PPIL2: variants seen among roughly 807,000 people sequenced by gnomAD.
PPIL2 encodes the protein peptidylprolyl isomerase like 2, also known as RING-type E3 ubiquitin-protein ligase PPIL2.
A neutral mutation model predicts 75.2 loss-of-function variants in PPIL2; 50 were observed. The observed-to-expected ratio is 0.66, with a 90% CI of 0.53 to 0.84. The LOEUF (loss-of-function observed/expected upper bound fraction) is 0.84. Ranked by LOEUF, PPIL2 falls within the 40% of genes least tolerant of loss-of-function variation. PPIL2 has a pLI of 0.00. For synonymous variants in PPIL2, 245 were observed against 258.8 expected (o/e 0.95, Z 0.51); for missense variants, 590 against 685.0 (o/e 0.86, Z 1.55).
chr22:21,674,544 T>G (rs970226925), intron 5 of PPIL2, among the ~76,000 whole-genome samples: 1 of 152,066 alleles, frequency 6.6e-6, no homozygotes, highest in African/African-American at 2.4e-5. Flanking sequence ...GATCATGAGG[T>G]CAGGAGATTA....
intron 15 of PPIL2, among the ~76,000 whole-genome samples, chr22:21,693,285 T>G (rs1222882459): frequency 1.3e-5 from 2 of 152,210 alleles, no homozygotes; most frequent in Non-Finnish European, 2.9e-5. Flanking sequence ...TGGCCTCAAG[T>G]GATCTACCTG....
chr22:21,675,350 A>T (rs968338266), intron 6 of PPIL2, among the ~76,000 whole-genome samples: 18 of 152,236 alleles, frequency 1.2e-4, no homozygotes, highest in Admixed American at 2.6e-4. Context: ...ATCCTGGCCA[A>T]CATGGTAAAA....
intron 16 of PPIL2, 87 bp downstream of exon 16, chr22:21,693,959 G>T: frequency 1.5e-6 from 2 of 1,357,248 alleles, no homozygotes; most frequent in Admixed American, 3.4e-5. Flanking sequence ...TGCCTTTTTC[G>T]TGGACCTGAG....
chr22:21,698,934 A>C (rs1259405470), downstream of PPIL2: 1 of 152,460 alleles, frequency 6.6e-6, no homozygotes. Context: ...AAGACAGTAC[A>C]AAGATTTCCT....
At chr22:21,670,375 CAGTA>C (rs781690961) in intron 2 of PPIL2, 187 bp from the exon 3 acceptor site, 2 of 1,501,284 alleles carry the variant, frequency 1.3e-6, no homozygotes, top group African/African-American at 2.8e-5. Context: ...GCACTTTTCC[CAGTA>C]AGTTCTTTTT....
chr22:21,687,075 G>A, intron 12 of PPIL2, 77 bp downstream of exon 12: 1 of 1,316,542 alleles, frequency 7.6e-7, no homozygotes, highest in Non-Finnish European at 1.1e-6. Context: ...TTAAATATAG[G>A]GCTGCCACTG....
chr22:21,670,516 GAA>G, intron 2 of PPIL2, 48 bp from the exon 3 acceptor site: 4 of 1,554,612 alleles, frequency 2.6e-6, no homozygotes, highest in Non-Finnish European at 3.5e-6. Flanking sequence ...GCACATAGAT[GAA>G]ATACTTTACA....
In PPIL2 at chr22:21,693,050, TTTTTTC is replaced by T. The variant is rs200486859; in HGVS notation, c.1140-754_1140-749del. On this transcript the variant is annotated intron_variant, in intron 15 of 19. Coordinates refer to ENST00000398831, the MANE Select transcript of PPIL2 (RefSeq NM_014337.4). ...GCTGTTTTAATTCCACCCCATTTCCTTTTTTCTTTTTCTTTTTTCTTGAGACAGACT... is the reference window on the plus strand; with the variant it reads ...GCTGTTTTAATTCCACCCCATTTCCTTTTTTCTTTTTTCTTGAGACAGACT... 7.6e-3 allele frequency among the ~76,000 whole-genome samples: 1,157 copies of T among 152,146 alleles called. 18 individuals carry two copies. Among genetic ancestry groups the T allele is most frequent in the African/African-American group, 0.026 (1,094 of 41,512 alleles).
chr22:21,676,445 G>A (rs550189908), intron 6 of PPIL2, among the ~76,000 whole-genome samples: 23 of 151,720 alleles, frequency 1.5e-4, no homozygotes, highest in East Asian at 1.2e-3. Context: ...CAATAGTGGA[G>A]GGAAGATCAG....
chr22:21,678,701 A>G (rs1446788148), intron 6 of PPIL2, among the ~76,000 whole-genome samples: 1 of 152,044 alleles, frequency 6.6e-6, no homozygotes, highest in Admixed American at 6.6e-5. Context: ...AATTTAAAAA[A>G]CAGTTTTCAC....
At chr22:21,688,017 G>T in intron 13 of PPIL2, 56 bp from the exon 14 acceptor site, 1 of 1,610,784 alleles carries the variant, frequency 6.2e-7, no homozygotes, top group Non-Finnish European at 8.5e-7. Context: ...CAGTCAGGCA[G>T]GCGGTGGGCC....
intron 10 of PPIL2, 96 bp downstream of exon 10, chr22:21,685,009 C>A: frequency 6.7e-7 from 1 of 1,488,654 alleles, no homozygotes; most frequent in Non-Finnish European, 9.0e-7. Flanking sequence ...CTCATGGGGG[C>A]CTGGGATACA....
intron 6 of PPIL2, among the ~76,000 whole-genome samples, chr22:21,677,013 G>A (rs1405346692): frequency 1.1e-4 from 16 of 150,978 alleles, no homozygotes; most frequent in South Asian, 4.2e-4. Context: ...TGGACGGGGC[G>A]GCTGGCCGGG....
chr22:21,672,249 G>A, intron 4 of PPIL2, 81 bp from the exon 5 acceptor site: 1 of 1,253,542 alleles, frequency 8.0e-7, no homozygotes, highest in Non-Finnish European at 1.2e-6. Context: ...TAACCTGGAA[G>A]CAGCCCTGCA....
intron 1 of PPIL2, among the ~76,000 whole-genome samples, chr22:21,669,051 G>C (rs551108173): frequency 6.7e-6 from 1 of 149,742 alleles, no homozygotes; most frequent in African/African-American, 2.5e-5. Context: ...TGGTTTCACC[G>C]TGTTAGCCAG....
intron 15 of PPIL2, 119 bp from the exon 16 acceptor site, chr22:21,693,697 G>A (rs1278790256): frequency 5.5e-5 from 57 of 1,032,836 alleles, no homozygotes; most frequent in Admixed American, 7.0e-5. Flanking sequence ...ACATGCGTCC[G>A]TGGAAGCTGC....
intron 3 of PPIL2, 52 bp downstream of exon 3, chr22:21,670,663 C>T: frequency 6.5e-6 from 10 of 1,539,088 alleles, no homozygotes; most frequent in African/African-American, 2.7e-5. Context: ...CTGATCCTGT[C>T]TGATAGTGAA....
chr22:21,686,705 C>A, intron 11 of PPIL2, 147 bp downstream of exon 11: 2 of 1,036,994 alleles, frequency 1.9e-6, no homozygotes, highest in Non-Finnish European at 2.9e-6. Flanking sequence ...GCTGCTGAAC[C>A]CCTGCCAGCC....
chr22:21,695,475 C>T lies in PPIL2; in HGVS notation c.1548C>T (p.Asp516=), dbSNP rs1470890290. ...SKKKPSRGFG[D]FSSW is the part of the protein sequence containing the mutation. Reference sequence around the variant, plus strand: ...AGAAGCCCAGTCGGGGTTTTGGGGACTTCAGCTCCTGGTAGCAGCAGGTTG... The same window carrying T: ...AGAAGCCCAGTCGGGGTTTTGGGGATTTCAGCTCCTGGTAGCAGCAGGTTG... Residue 516 remains aspartate (D), a synonymous_variant, in exon 20 of 20, where the codon GAC becomes GAT. Transcript: ENST00000398831. The T allele has an allele frequency of 1.9e-6, 3 of 1,601,212 alleles. No individual in the cohort carries two copies. The East Asian group carries it at 6.7e-5, about 36-fold the overall frequency.
Sources: allele counts gnomAD v4.1 joint callset (sites outside exome capture counted in the v4.1 genomes callset), GRCh38; gene constraint gnomAD v4.1.1; transcripts MANE v1.5; gene names NCBI Gene and HGNC (gene_info 2026-07-23, HGNC 2026-07-21).